Variants in EDIL3 observed in about 807,000 individuals in gnomAD.
The protein encoded by EDIL3 is EGF like and discoidin domains 3, also known as EGF-like repeat and discoidin I-like domain-containing protein 3.
A neutral mutation model predicts 67.4 loss-of-function variants in EDIL3; 37 were observed. The ratio of observed to expected loss-of-function variants is 0.55; its 90% confidence interval spans 0.42 to 0.72. EDIL3 has a LOEUF of 0.72. Among genes scored for constraint, EDIL3 ranks in the 30% least tolerant of loss-of-function variants. EDIL3 has a pLI of 0.00. For missense variants in EDIL3, 527 were observed against 586.3 expected, an observed-to-expected ratio of 0.90 and a Z score of 1.04; for synonymous variants, 195 against 196.3, an observed-to-expected ratio of 0.99 and a Z score of 0.05.
chr5:84,289,394 T>C (rs1745870847), intron 1 of EDIL3, among the ~76,000 whole-genome samples: 1 of 152,186 alleles, frequency 6.6e-6, no homozygotes, highest in Admixed American at 6.5e-5. Context: ...AACTTACTAT[T>C]TCCCAGCTCC....
At chr5:83,950,853 G>C (rs1744407113) in intron 10 of EDIL3, among the ~76,000 whole-genome samples, 1 of 151,688 alleles carries the variant, frequency 6.6e-6, no homozygotes, top group Non-Finnish European at 1.5e-5. Flanking sequence ...CCATCTACTT[G>C]GGTTTCTTTT....
At chr5:84,209,017 C>T (rs1045426608) in intron 3 of EDIL3, among the ~76,000 whole-genome samples, 14 of 152,120 alleles carry the variant, frequency 9.2e-5, no homozygotes, top group Non-Finnish European at 2.1e-4. Flanking sequence ...AAATGTGGCA[C>T]ATATACACCT....
chr5:84,300,841 T>A (rs1580064065), intron 1 of EDIL3, among the ~76,000 whole-genome samples: 2 of 152,246 alleles, frequency 1.3e-5, no homozygotes, highest in South Asian at 4.2e-4. Context: ...ATTGCAATAT[T>A]TGTATACCAT....
chr5:84,217,721 A>AACACACACACACACACACACACACAC (rs61264723), intron 3 of EDIL3, among the ~76,000 whole-genome samples: 1 of 134,932 alleles, frequency 7.4e-6, no homozygotes, highest in African/African-American at 2.8e-5. Context: ...TATACACACA[A>AACACACACACACACACACACACACAC]ACACACACAC....
chr5:84,192,736 T>A (rs948312509), intron 3 of EDIL3, among the ~76,000 whole-genome samples: 4 of 152,000 alleles, frequency 2.6e-5, no homozygotes, highest in African/African-American at 9.7e-5. Flanking sequence ...CACCTTCTAA[T>A]CTTGTGAAAC....
At chr5:84,051,889 G>T (rs1325536066) in intron 9 of EDIL3, among the ~76,000 whole-genome samples, 2 of 152,192 alleles carry the variant, frequency 1.3e-5, no homozygotes, top group African/African-American at 4.8e-5. Context: ...CAGTCTGCAG[G>T]ATATCATCCA....
intron 10 of EDIL3, 31 bp downstream of exon 10, chr5:83,963,173 CT>C: frequency 6.4e-7 from 1 of 1,573,008 alleles, no homozygotes; most frequent in Non-Finnish European, 8.6e-7. Flanking sequence ...TCCTCCACTT[CT>C]GAACTTTATA....
intron 3 of EDIL3, among the ~76,000 whole-genome samples, chr5:84,213,855 C>T (rs189606185): frequency 3.9e-4 from 59 of 152,236 alleles, no homozygotes; most frequent in Non-Finnish European, 1.6e-4. Flanking sequence ...TTGAAGATGT[C>T]TGTGAGCTTA....
chr5:84,375,916 A>G (rs138493715), intron 1 of EDIL3, among the ~76,000 whole-genome samples: 1 of 152,204 alleles, frequency 6.6e-6, no homozygotes, highest in Non-Finnish European at 1.5e-5. Flanking sequence ...TATTGTCCCA[A>G]GAGAATAAGT....
chr5:84,261,722 T>G (rs546578506), intron 1 of EDIL3, among the ~76,000 whole-genome samples: 1 of 152,176 alleles, frequency 6.6e-6, no homozygotes, highest in Admixed American at 6.5e-5. Context: ...GTCCACAGAA[T>G]CCAAAAATAA....
At chr5:84,347,801 G>A (rs1401180210) in intron 1 of EDIL3, among the ~76,000 whole-genome samples, 1 of 152,182 alleles carries the variant, frequency 6.6e-6, no homozygotes, top group African/African-American at 2.4e-5. Context: ...CATGTAGAAA[G>A]GAGTCAGCAT....
intron 5 of EDIL3, among the ~76,000 whole-genome samples, chr5:84,117,835 T>C (rs1469390079): frequency 6.6e-6 from 1 of 152,100 alleles, no homozygotes; most frequent in Non-Finnish European, 1.5e-5. Context: ...AACCAGGAAC[T>C]AGGTAGGGAC....
At chr5:84,084,255 A>ATTTC (rs1747028331) in intron 6 of EDIL3, among the ~76,000 whole-genome samples, 1 of 152,174 alleles carries the variant, frequency 6.6e-6, no homozygotes, top group Admixed American at 6.5e-5. Context: ...TCTATGTTTT[A>ATTTC]TAAAGTTTTA....
At chr5:84,231,131 A>G (rs571698212) in intron 2 of EDIL3, among the ~76,000 whole-genome samples, 1 of 152,310 alleles carries the variant, frequency 6.6e-6, no homozygotes, top group South Asian at 2.1e-4. Flanking sequence ...GTAAGATAAC[A>G]TTAACTGTAA....
rs757957833 is a variant in EDIL3, at chr5:83,943,573, TAAA to T, written c.1294-8_1294-6del. The T allele has an allele frequency of 1.2e-6, 2 of 1,611,764 alleles. No individual in the cohort carries two copies. Among genetic ancestry groups the T allele is most frequent in the East Asian group, 4.5e-5 (2 of 44,626 alleles). ...GTCAAAATTTCCCTGGAAAACCTAA[TAAA>T]GAAGAGCAGAAAAATGTCAGTCACA... On this transcript the variant is annotated splice_polypyrimidine_tract_variant and splice_region_variant and intron_variant, in intron 10 of 10. Transcript: ENST00000296591.
intron 9 of EDIL3, among the ~76,000 whole-genome samples, chr5:84,000,672 C>T (rs945218858): frequency 1.3e-5 from 2 of 151,738 alleles, no homozygotes; most frequent in African/African-American, 2.4e-5. Flanking sequence ...CACAAAATAA[C>T]CAGAAAAATC....
chr5:83,949,214 C>T (rs1053782381), intron 10 of EDIL3, among the ~76,000 whole-genome samples: 1 of 151,718 alleles, frequency 6.6e-6, no homozygotes, highest in African/African-American at 2.4e-5. Context: ...CAGAAAGGAA[C>T]AGAGAGCTAC....
At chr5:84,089,655 C>A (rs1747129260) in intron 6 of EDIL3, among the ~76,000 whole-genome samples, 1 of 152,178 alleles carries the variant, frequency 6.6e-6, no homozygotes, top group Non-Finnish European at 1.5e-5. Flanking sequence ...CTGACAGTAT[C>A]AATACCCTTC....
chr5:83,999,533 T>C (rs913339733), intron 9 of EDIL3, among the ~76,000 whole-genome samples: 3 of 152,000 alleles, frequency 2.0e-5, no homozygotes, highest in African/African-American at 4.8e-5. Flanking sequence ...AGCAGCAGAA[T>C]TGATCAAGCA....
Sources: gnomAD v4.1 joint callset for allele counts (sites outside exome capture counted in the v4.1 genomes callset) on GRCh38, gnomAD v4.1.1 for gene constraint, MANE v1.5 for transcripts, NCBI Gene and HGNC (gene_info 2026-07-23, HGNC 2026-07-21) for gene names.